Variants in TRABD2A observed in about 807,000 individuals in gnomAD.
The protein encoded by TRABD2A is metalloprotease TIKI1.
TRABD2A carries 43 observed loss-of-function variants against 45.6 expected under a neutral mutation model. That is an observed-to-expected ratio of 0.94 (90% CI 0.74 to 1.22). The LOEUF (loss-of-function observed/expected upper bound fraction) is 1.22, where lower values mean the gene tolerates loss of function less well. TRABD2A is among the 50% of genes most tolerant of loss of function. The pLI, the probability that TRABD2A is intolerant of heterozygous loss-of-function variation, is 0.00. For synonymous variants in TRABD2A, 269 were observed against 265.0 expected (o/e 1.02, Z -0.15); for missense variants, 642 against 652.4 (o/e 0.98, Z 0.17).
At chr2:84,823,841 G>A in intron 6 of TRABD2A, 112 bp downstream of exon 6, 1 of 1,436,358 alleles carries the variant, frequency 7.0e-7, no homozygotes, top group Non-Finnish European at 9.3e-7. Context: ...TGAGGAAAGG[G>A]AAAGGTTGCT....
chr2:84,850,864 A>C (rs1682063029), intron 2 of TRABD2A: 2 of 152,246 alleles, frequency 1.3e-5, no homozygotes, highest in Admixed American at 6.6e-5. Context: ...TTCCTCCACC[A>C]CCTAACATCA....
intron 2 of TRABD2A, among the ~76,000 whole-genome samples, chr2:84,863,522 G>A (rs1050209848): frequency 4.0e-5 from 6 of 150,838 alleles, no homozygotes; most frequent in East Asian, 1.9e-4. Flanking sequence ...GTGAGCCACC[G>A]CGCCTGGCCC....
intron 2 of TRABD2A, among the ~76,000 whole-genome samples, chr2:84,855,849 G>A (rs950835547): frequency 1.3e-5 from 2 of 152,156 alleles, no homozygotes; most frequent in Non-Finnish European, 2.9e-5. Flanking sequence ...GGTGGGTGAG[G>A]GGGTTCGAGT....
intron 2 of TRABD2A, among the ~76,000 whole-genome samples, chr2:84,868,415 A>G (rs1682755792): frequency 7.0e-6 from 1 of 142,444 alleles, no homozygotes; most frequent in Admixed American, 7.1e-5. Context: ...GAAGGGGAAC[A>G]TCACACACCA....
At chr2:84,880,251 C>A (rs1683155962) in intron 1 of TRABD2A, among the ~76,000 whole-genome samples, 1 of 151,590 alleles carries the variant, frequency 6.6e-6, no homozygotes, top group Non-Finnish European at 1.5e-5. Context: ...GCTGTGTTGA[C>A]TCGGGCAGGT....
intron 4 of TRABD2A, chr2:84,832,565 C>T (rs763394846): frequency 7.4e-5 from 12 of 161,418 alleles, no homozygotes; most frequent in Middle Eastern, 6.2e-3. Context: ...TTTGGGAGGC[C>T]GAGGCGGGTG....
intron 1 of TRABD2A, among the ~76,000 whole-genome samples, chr2:84,873,094 G>T (rs1017189035): frequency 1.6e-5 from 2 of 125,456 alleles, no homozygotes; most frequent in African/African-American, 6.5e-5. Flanking sequence ...CAGCCTAGGG[G>T]ACAGAGCGAG....
At chr2:84,846,861 C>T (rs926181190) in intron 2 of TRABD2A, among the ~76,000 whole-genome samples, 1 of 152,248 alleles carries the variant, frequency 6.6e-6, no homozygotes, top group Admixed American at 6.5e-5. Context: ...CCAGAATACT[C>T]CCCTGATGAC....
chr2:84,860,034 G>C (rs893168583), intron 2 of TRABD2A, among the ~76,000 whole-genome samples: 4 of 152,048 alleles, frequency 2.6e-5, no homozygotes, highest in Non-Finnish European at 5.9e-5. Context: ...TAGCCACAAT[G>C]CAAGCACCTG....
At chr2:84,857,779 C>G (rs1682365485) in intron 2 of TRABD2A, among the ~76,000 whole-genome samples, 1 of 152,160 alleles carries the variant, frequency 6.6e-6, no homozygotes, top group Non-Finnish European at 1.5e-5. Context: ...TCCAACACCA[C>G]TGCCAGGTAG....
rs565393322 is a variant in TRABD2A, at chr2:84,874,360, C to CA, written c.109-3576dup. On this transcript the variant is annotated intron_variant, in intron 1 of 6. Coordinates refer to ENST00000409520, the MANE Select transcript of TRABD2A (RefSeq NM_001277053.2). ...TGTTCACTGTGTGCCAGCCTCCACC[C>CA]AAGCATTTCGCCTGGACTGTCCCAC... is the stretch of plus-strand genomic sequence containing the variant. 5.3e-5 allele frequency among the ~76,000 whole-genome samples: 8 copies of CA among 152,330 alleles called. 1 individual carries two copies. The South Asian group carries it at 1.7e-3, about 32-fold the overall frequency.
chr2:84,846,979 C>T (rs1053033444), intron 2 of TRABD2A, among the ~76,000 whole-genome samples: 1 of 152,224 alleles, frequency 6.6e-6, no homozygotes, highest in African/African-American at 2.4e-5. Flanking sequence ...CTGCCCAGAC[C>T]TAGTAGTCCA....
chr2:84,871,636 G>A (rs574434570), intron 1 of TRABD2A, among the ~76,000 whole-genome samples: 68 of 152,130 alleles, frequency 4.5e-4, no homozygotes, highest in Non-Finnish European at 8.1e-4. Flanking sequence ...ACTGGCACTC[G>A]CCACCACGCC....
At chr2:84,873,367 C>T (rs1682929601) in intron 1 of TRABD2A, among the ~76,000 whole-genome samples, 1 of 151,860 alleles carries the variant, frequency 6.6e-6, no homozygotes, top group Admixed American at 6.6e-5. Context: ...TTTCAGTGAG[C>T]CAAGATCCCG....
intron 2 of TRABD2A, among the ~76,000 whole-genome samples, chr2:84,855,907 C>T (rs1682284751): frequency 6.6e-6 from 1 of 152,148 alleles, no homozygotes; most frequent in African/African-American, 2.4e-5. Flanking sequence ...CAGCGAGTCT[C>T]TCCTCTTTCC....
intron 6 of TRABD2A, 136 bp downstream of exon 6, chr2:84,823,817 G>A (rs1681063492): frequency 8.1e-7 from 1 of 1,234,520 alleles, no homozygotes; most frequent in African/African-American, 1.5e-5. Flanking sequence ...ACAGAAAAAG[G>A]GTGCCTGGGG....
At position 84,824,083 on chromosome 2, in the gene TRABD2A, G is replaced by A. The variant is rs548830847; in HGVS notation, c.1204C>T (p.Leu402Phe). 1 of 1,613,896 alleles carries A rather than the reference G, an allele frequency of 6.2e-7. No homozygotes were observed. Among genetic ancestry groups the A allele is most frequent in the Non-Finnish European group, 8.5e-7 (1 of 1,179,818 alleles). Residue 402 changes from leucine to phenylalanine, a missense_variant, in exon 6 of 7, where the codon CTT becomes TTT. Leu to Phe is a conservative substitution (Grantham distance 22). Coordinates refer to ENST00000409520, the MANE Select transcript of TRABD2A (RefSeq NM_001277053.2). ...VSSGHSTLPP[L>F]VSRPGSADTP... is the part of the protein sequence containing the mutation. ...TCGGCACTTCCAGGCCGGGACACAA[G>A]GGGAGGCAGCGTTGAGTGCCCTGAG...
chr2:84,868,338 A>G (rs1004093585), intron 2 of TRABD2A, among the ~76,000 whole-genome samples: 2 of 151,972 alleles, frequency 1.3e-5, no homozygotes, highest in Admixed American at 6.6e-5. Flanking sequence ...TCGCAAGGAC[A>G]AAAAACCAAA....
chr2:84,872,682 T>G (rs963296968), intron 1 of TRABD2A, among the ~76,000 whole-genome samples: 2 of 152,246 alleles, frequency 1.3e-5, no homozygotes, highest in Admixed American at 6.5e-5. Flanking sequence ...TTCATGGTAG[T>G]TATATTTTAT....
Sources: allele counts gnomAD v4.1 joint callset (sites outside exome capture counted in the v4.1 genomes callset), GRCh38; gene constraint gnomAD v4.1.1; transcripts MANE v1.5; gene names NCBI Gene and HGNC (gene_info 2026-07-23, HGNC 2026-07-21).